Variants in ZEB1 observed in about 807,000 individuals in gnomAD.
The protein encoded by ZEB1 is zinc finger E-box-binding homeobox 1.
In ZEB1, 21 loss-of-function variants were observed where a neutral mutation model predicts 84.9. The ratio of observed to expected loss-of-function variants is 0.25; its 90% CI spans 0.18 to 0.36. The LOEUF is 0.36. Among genes scored for constraint, ZEB1 ranks in the 10% least tolerant of loss-of-function variants. The pLI, the probability that ZEB1 is intolerant of heterozygous loss-of-function variation, is 1.00. For missense variants in ZEB1, 1,104 were observed against 1,330.2 expected (o/e 0.83, Z 2.65); for synonymous variants, 420 against 471.1 (o/e 0.89, Z 1.41).
At chr10:31,469,717 C>T (rs2062940763) in intron 2 of ZEB1, among the ~76,000 whole-genome samples, 1 of 152,234 alleles carries the variant, frequency 6.6e-6, no homozygotes, top group South Asian at 2.1e-4. Context: ...CACCACAGCT[C>T]AAGGAGGCCT....
chr10:31,484,634 A>G (rs922581278), intron 2 of ZEB1, among the ~76,000 whole-genome samples: 4 of 151,952 alleles, frequency 2.6e-5, no homozygotes, highest in African/African-American at 9.7e-5. Flanking sequence ...TATTTTACTT[A>G]ACTGATTAGG....
chr10:31,472,808 A>G (rs2063467059), intron 2 of ZEB1, among the ~76,000 whole-genome samples: 1 of 139,844 alleles, frequency 7.2e-6, no homozygotes, highest in East Asian at 2.0e-4. Flanking sequence ...AAAAATCCTC[A>G]GTAAAATACT....
chr10:31,449,183 C>T (rs564923180), intron 1 of ZEB1, among the ~76,000 whole-genome samples: 1 of 150,828 alleles, frequency 6.6e-6, no homozygotes, highest in Non-Finnish European at 1.5e-5. Context: ...TTTCCAGGTG[C>T]GTCTGTCACC....
At chr10:31,448,649 C>T (rs1236009733) in intron 1 of ZEB1, among the ~76,000 whole-genome samples, 4 of 151,924 alleles carry the variant, frequency 2.6e-5, no homozygotes, top group Non-Finnish European at 2.9e-5. Context: ...CCCTCAGCTG[C>T]AGGTCTGTTG....
chr10:31,385,523 TTTTTC>T lies in ZEB1; in HGVS notation c.58+66241_58+66245del, dbSNP rs543361660. ...TTTTCTTTTTTCTTTTCTTTTTTTCTTTTTCTTTTCTTTTTTTTTTTGAGACGGAG... is the reference window on the plus strand; with the variant it reads ...TTTTCTTTTTTCTTTTCTTTTTTTCTTTTTCTTTTTTTTTTTGAGACGGAG... On this transcript the variant is annotated intron_variant, in intron 1 of 8. Coordinates refer to ENST00000424869, the MANE Select transcript of ZEB1 (RefSeq NM_001174096.2). Among the ~76,000 whole-genome samples the T allele has an allele frequency of 1.1e-3, 165 of 151,858 alleles. 1 individual carries two copies. The highest frequency in any genetic ancestry group is 3.9e-3 in the African/African-American group (161 of 41,422).
At chr10:31,450,532 C>G (rs923760899) in intron 1 of ZEB1, among the ~76,000 whole-genome samples, 9 of 151,794 alleles carry the variant, frequency 5.9e-5, no homozygotes, top group African/African-American at 2.2e-4. Context: ...TTTTGCTTCT[C>G]CTTTCTAATA....
At chr10:31,440,642 G>C (rs1189392256) in intron 1 of ZEB1, among the ~76,000 whole-genome samples, 1 of 152,120 alleles carries the variant, frequency 6.6e-6, no homozygotes, top group African/African-American at 2.4e-5. Flanking sequence ...TGACATGATT[G>C]TATATTTAGA....
chr10:31,356,944 ATTAAT>A (rs1306123050), intron 1 of ZEB1, among the ~76,000 whole-genome samples: 2 of 151,916 alleles, frequency 1.3e-5, no homozygotes, highest in African/African-American at 4.8e-5. Context: ...TTAGTTGGTA[ATTAAT>A]TTAGGTGTTT....
At chr10:31,444,590 A>G (rs1013544928) in intron 1 of ZEB1, among the ~76,000 whole-genome samples, 2 of 151,682 alleles carry the variant, frequency 1.3e-5, no homozygotes, top group African/African-American at 2.4e-5. Flanking sequence ...TGATTTTTGT[A>G]TAAGGTGTAA....
chr10:31,380,356 G>T (rs192754446), intron 1 of ZEB1, among the ~76,000 whole-genome samples: 1 of 152,154 alleles, frequency 6.6e-6, no homozygotes, highest in Admixed American at 6.6e-5. Context: ...TTCAGCTTTG[G>T]TTTTGGTGTT....
intron 1 of ZEB1, among the ~76,000 whole-genome samples, chr10:31,394,965 T>C (rs1488904507): frequency 6.6e-6 from 1 of 152,142 alleles, no homozygotes; most frequent in African/African-American, 2.4e-5. Flanking sequence ...CAGAGATAAC[T>C]CCTGGGTCCT....
At chr10:31,334,886 AC>A (rs1467977632) in intron 1 of ZEB1, among the ~76,000 whole-genome samples, 1 of 152,176 alleles carries the variant, frequency 6.6e-6, no homozygotes, top group Non-Finnish European at 1.5e-5. Flanking sequence ...AAATATTCTT[AC>A]AAAGAAAAAA....
At chr10:31,467,634 G>A (rs2062608844) in intron 2 of ZEB1, among the ~76,000 whole-genome samples, 1 of 152,112 alleles carries the variant, frequency 6.6e-6, no homozygotes, top group Non-Finnish European at 1.5e-5. Context: ...GGAGCCAGAG[G>A]ACAAATCCAC....
Position 31,467,145 on chromosome 10 carries a change from AACCCGGGAAC to A in ZEB1, c.259+5912_259+5921del, listed in dbSNP as rs199692554. Among the ~76,000 whole-genome samples, 1,457 of 152,280 alleles carry A rather than the reference AACCCGGGAAC, an allele frequency of 9.6e-3. 9 individuals are homozygous for A. The highest frequency in any genetic ancestry group is 0.015 in the Non-Finnish European group (991 of 68,020). ...GACCCAAGGAAGGTGTGAGTGAAGA[AACCCGGGAAC>A]ACCACTTTCCCACTGTCAACCTCTG... On this transcript the variant is annotated intron_variant, in intron 2 of 8. Transcript: ENST00000424869.
At chr10:31,378,319 ACATACT>A (rs1254852229) in intron 1 of ZEB1, among the ~76,000 whole-genome samples, 2 of 151,492 alleles carry the variant, frequency 1.3e-5, no homozygotes, top group East Asian at 3.9e-4. Context: ...ACTCATACAT[ACATACT>A]CATCAGAAGT....
intron 1 of ZEB1, among the ~76,000 whole-genome samples, chr10:31,407,329 A>G (rs2053299402): frequency 6.9e-6 from 1 of 144,100 alleles, no homozygotes; most frequent in Non-Finnish European, 1.5e-5. Context: ...CCCACCTATG[A>G]GTGAGAACAT....
intron 1 of ZEB1, chr10:31,321,241 A>G: frequency 8.2e-7 from 1 of 1,217,918 alleles, no homozygotes; most frequent in South Asian, 2.4e-5. Context: ...GAAGATTTTT[A>G]AGCTGTTTCA....
chr10:31,497,894 AG>A (rs774096319), intron 3 of ZEB1, among the ~76,000 whole-genome samples: 3 of 151,754 alleles, frequency 2.0e-5, no homozygotes, highest in Non-Finnish European at 4.4e-5. Flanking sequence ...GATAAGAGGA[AG>A]CCTGAGGATA....
At chr10:31,420,015 A>C (rs978751194) in intron 1 of ZEB1, among the ~76,000 whole-genome samples, 1 of 152,110 alleles carries the variant, frequency 6.6e-6, no homozygotes, top group African/African-American at 2.4e-5. Context: ...TAACAATTTA[A>C]TTACATTTTC....
Sources: gnomAD v4.1 joint callset for allele counts (sites outside exome capture counted in the v4.1 genomes callset) on GRCh38, gnomAD v4.1.1 for gene constraint, MANE v1.5 for transcripts, NCBI Gene and HGNC (gene_info 2026-07-23, HGNC 2026-07-21) for gene names.